PRELID2: variants seen among roughly 807,000 people sequenced by gnomAD.
The protein encoded by PRELID2 is PRELI domain-containing protein 2.
A neutral mutation model predicts 28.4 loss-of-function variants in PRELID2; 25 were observed. The ratio of observed to expected loss-of-function variants is 0.88; its 90% CI spans 0.64 to 1.23. The LOEUF is 1.23. Among genes scored for constraint, PRELID2 ranks in the 50% most tolerant of loss-of-function variants. The probability of loss-of-function intolerance (pLI) is 0.00; values close to 1 mark genes in which losing one functional copy is unlikely to be tolerated. For synonymous variants in PRELID2, 76 were observed against 71.6 expected (o/e 1.06, Z -0.31); for missense variants, 201 against 214.4 (o/e 0.94, Z 0.39).
rs984690845 is a variant in PRELID2 at position 145,760,250 on chromosome 5, T to C, written c.*286A>G. The C allele has an allele frequency of 1.3e-5, 2 of 152,144 alleles. No individual in the cohort carries two copies. Among genetic ancestry groups the C allele is most frequent in the Admixed American group, 6.6e-5 (1 of 15,262 alleles). 9.4% of individuals were successfully genotyped at this position (152,144 alleles called of 1,614,324 possible). A position where few individuals can be genotyped will look rare whatever the true frequency, so the allele number is the denominator to read the frequency against. Reference sequence around the variant, plus strand: ...TGAGGAAGGGCACACATATCTTACATGGTTCTTTTTTCCTTTATTTGTAAA... The same window carrying C: ...TGAGGAAGGGCACACATATCTTACACGGTTCTTTTTTCCTTTATTTGTAAA... On this transcript the variant is annotated 3_prime_UTR_variant, in exon 7 of 7. Transcript: ENST00000683046.
chr5:145,679,432 G>C (rs1431329267), intron 1 of PRELID2, among the ~76,000 whole-genome samples: 2 of 152,120 alleles, frequency 1.3e-5, no homozygotes, highest in Non-Finnish European at 2.9e-5. Flanking sequence ...GTAAAGTAGA[G>C]TCCACACTCA....
At chr5:145,560,386 T>C (rs1752916437) in intron 1 of PRELID2, among the ~76,000 whole-genome samples, 1 of 152,234 alleles carries the variant, frequency 6.6e-6, no homozygotes, top group African/African-American at 2.4e-5. Context: ...ACATAGTAGG[T>C]GCTCAATAAT....
At chr5:145,775,098 G>A (rs993216527) in intron 5 of PRELID2, among the ~76,000 whole-genome samples, 2 of 152,070 alleles carry the variant, frequency 1.3e-5, no homozygotes, top group African/African-American at 4.8e-5. Flanking sequence ...AACGTAGCCA[G>A]GCATGGTGAT....
At chr5:145,808,030 A>AG (rs930448783) in intron 4 of PRELID2, among the ~76,000 whole-genome samples, 3 of 152,174 alleles carry the variant, frequency 2.0e-5, no homozygotes, top group Admixed American at 2.0e-4. Context: ...TGTATAGAAA[A>AG]GGCCTCACTG....
At chr5:145,251,149 A>G in the PRELID2 span, among the ~76,000 whole-genome samples, 3 of 152,088 alleles carry the variant, frequency 2.0e-5, no homozygotes, top group Non-Finnish European at 4.4e-5. Flanking sequence ...GATTTTCTTG[A>G]TGACCCCAGT....
At chr5:145,588,896 G>A (rs890694216) in intron 1 of PRELID2, among the ~76,000 whole-genome samples, 7 of 150,710 alleles carry the variant, frequency 4.6e-5, no homozygotes, top group South Asian at 2.1e-4. Flanking sequence ...AAAAAAAATC[G>A]TCATTTTCTC....
intron 1 of PRELID2, among the ~76,000 whole-genome samples, chr5:145,520,482 A>G (rs776440109): frequency 6.6e-6 from 1 of 152,076 alleles, no homozygotes; most frequent in African/African-American, 2.4e-5. Context: ...TCAGTTTCCC[A>G]ACACACAGTG....
intron 1 of PRELID2, among the ~76,000 whole-genome samples, chr5:145,741,375 T>TTTTG (rs1756731554): frequency 8.9e-6 from 1 of 112,054 alleles, no homozygotes; most frequent in Non-Finnish European, 1.6e-5. Flanking sequence ...TATATATAAA[T>TTTTG]TTTATTTATA....
intron 1 of PRELID2, among the ~76,000 whole-genome samples, chr5:145,594,821 T>C (rs1236712269): frequency 6.6e-6 from 1 of 152,132 alleles, no homozygotes; most frequent in East Asian, 1.9e-4. Flanking sequence ...TAACAAAGAC[T>C]AAAGTTTAAG....
At chr5:145,408,107 C>T in the PRELID2 span, among the ~76,000 whole-genome samples, 1 of 151,912 alleles carries the variant, frequency 6.6e-6, no homozygotes, top group Admixed American at 6.6e-5. Context: ...AAGAGAGCAC[C>T]ACATTGAGGA....
chr5:145,415,212 C>A, the PRELID2 span, among the ~76,000 whole-genome samples: 17 of 152,152 alleles, frequency 1.1e-4, 1 homozygote, highest in South Asian at 3.3e-3. Context: ...AATCGAACAA[C>A]GTGTTCCTGA....
At chr5:145,738,558 T>C (rs879279292) in intron 1 of PRELID2, among the ~76,000 whole-genome samples, 2 of 151,732 alleles carry the variant, frequency 1.3e-5, no homozygotes, top group Non-Finnish European at 2.9e-5. Flanking sequence ...ATGCAAGAGA[T>C]GGGCTGAACA....
At chr5:145,592,795 CGACA>C (rs1561513267) in intron 1 of PRELID2, among the ~76,000 whole-genome samples, 1 of 151,912 alleles carries the variant, frequency 6.6e-6, no homozygotes, top group South Asian at 2.1e-4. Flanking sequence ...AAAATGCAAC[CGACA>C]GACATTGAAG....
Position 145,726,321 on chromosome 5 carries a change from A to AGAG in PRELID2, n.70+38609_70+38610insCTC, listed in dbSNP as rs1561559875. 2.7e-3 allele frequency among the ~76,000 whole-genome samples: 374 copies of AGAG among 137,602 alleles called. 1 individual carries two copies. Among genetic ancestry groups the AGAG allele is most frequent in the African/African-American group, 0.011 (365 of 32,322 alleles). The allele number at this position is 137,602 out of a possible 152,430, so 90.3% of individuals were successfully genotyped here. A position where few individuals can be genotyped will look rare whatever the true frequency, so the allele number is the denominator to read the frequency against. On this transcript the variant is annotated intron_variant and non_coding_transcript_variant, in intron 1 of 2. Transcript: ENST00000510259. The stretch of plus-strand genomic sequence containing the variant: ...AGAAAAAGAAAGAGAGAGAGAGAGA[A>AGAG]AGAGAGAAAGAGAAAGAAAAGGGAA...
the PRELID2 span, among the ~76,000 whole-genome samples, chr5:145,339,748 G>A: frequency 1.3e-5 from 2 of 152,080 alleles, no homozygotes; most frequent in Non-Finnish European, 2.9e-5. Flanking sequence ...ATCTGCTCCC[G>A]CTGCTCCAGC....
the PRELID2 span, among the ~76,000 whole-genome samples, chr5:145,380,353 C>T: frequency 6.6e-6 from 1 of 152,188 alleles, no homozygotes; most frequent in Non-Finnish European, 1.5e-5. Flanking sequence ...ACTCTTGGTG[C>T]CTTCCCTCTG....
the PRELID2 span, among the ~76,000 whole-genome samples, chr5:145,249,827 T>G: frequency 6.6e-6 from 1 of 152,008 alleles, no homozygotes; most frequent in Non-Finnish European, 1.5e-5. Context: ...TTTGGCTGAA[T>G]GAAGAGTGAG....
chr5:145,833,242 C>T (rs186280667), intron 1 of PRELID2, among the ~76,000 whole-genome samples: 13 of 152,260 alleles, frequency 8.5e-5, no homozygotes, highest in South Asian at 2.1e-4. Context: ...TAGAGTCTAA[C>T]GGGAAACACA....
At chr5:145,646,317 A>T (rs1754195549) in intron 1 of PRELID2, among the ~76,000 whole-genome samples, 2 of 151,988 alleles carry the variant, frequency 1.3e-5, no homozygotes, top group Non-Finnish European at 2.9e-5. Context: ...CTTCCTCTTG[A>T]TCTGTACGGC....
Sources: gnomAD v4.1 joint callset for allele counts (sites outside exome capture counted in the v4.1 genomes callset) on GRCh38, gnomAD v4.1.1 for gene constraint, MANE v1.5 for transcripts, NCBI Gene and HGNC (gene_info 2026-07-23, HGNC 2026-07-21) for gene names.